ATE1: variants seen among roughly 807,000 people sequenced by gnomAD.
The protein encoded by ATE1 is arginyl-tRNA--protein transferase 1.
ATE1 carries 36 observed loss-of-function variants against 70.5 expected under a neutral mutation model. The ratio of observed to expected loss-of-function variants is 0.51; its 90% CI spans 0.39 to 0.67. ATE1 has a LOEUF of 0.67. Among genes scored for constraint, ATE1 ranks in the 30% least tolerant of loss-of-function variants. The probability of loss-of-function intolerance (pLI) is 0.00; values close to 1 mark genes in which losing one functional copy is unlikely to be tolerated. For missense variants in ATE1, 593 were observed against 629.5 expected (o/e 0.94, Z 0.62); for synonymous variants, 232 against 219.3 (o/e 1.06, Z -0.51).
At chr10:121,861,064 T>C (rs17102689) in intron 8 of ATE1, among the ~76,000 whole-genome samples, 11,215 of 152,216 alleles carry the variant, frequency 0.074, 744 homozygotes, top group East Asian at 0.33. Context: ...TATTCAAACA[T>C]TTTCTGAAGC....
chr10:121,868,522 T>C (rs563586496), intron 8 of ATE1, among the ~76,000 whole-genome samples: 35 of 152,326 alleles, frequency 2.3e-4, no homozygotes, highest in African/African-American at 8.2e-4. Context: ...TTTTTTATGG[T>C]TTGGTTTTCA....
intron 7 of ATE1, among the ~76,000 whole-genome samples, chr10:121,874,484 A>G (rs150782320): frequency 6.6e-6 from 1 of 152,364 alleles, no homozygotes; most frequent in Non-Finnish European, 1.5e-5. Context: ...CATCAAAAGA[A>G]TGAGAATTAA....
intron 10 of ATE1, among the ~76,000 whole-genome samples, chr10:121,816,060 G>A (rs779280412): frequency 1.4e-4 from 22 of 152,068 alleles, no homozygotes; most frequent in Non-Finnish European, 2.6e-4. Context: ...CAGAATGGGC[G>A]CCTATTCATT....
chr10:121,778,845 C>T (rs1265290050), intron 11 of ATE1, among the ~76,000 whole-genome samples: 2 of 152,012 alleles, frequency 1.3e-5, no homozygotes, highest in African/African-American at 2.4e-5. Flanking sequence ...TCAAGTGATC[C>T]GCCTGCCTCT....
At chr10:121,815,315 T>G (rs1947496559) in intron 10 of ATE1, among the ~76,000 whole-genome samples, 1 of 152,150 alleles carries the variant, frequency 6.6e-6, no homozygotes, top group African/African-American at 2.4e-5. Flanking sequence ...TTTTTGTATT[T>G]TTAGTAGAGA....
intron 5 of ATE1, among the ~76,000 whole-genome samples, chr10:121,902,915 G>A (rs1267327226): frequency 6.6e-6 from 1 of 151,998 alleles, no homozygotes. Context: ...ACCCAGGCTG[G>A]AGTGCAATGG....
intron 11 of ATE1, among the ~76,000 whole-genome samples, chr10:121,765,543 T>TA (rs1488063438): frequency 6.6e-6 from 1 of 152,156 alleles, no homozygotes; most frequent in Non-Finnish European, 1.5e-5. Context: ...TACAAAGCCT[T>TA]AAAAAATATC....
intron 7 of ATE1, among the ~76,000 whole-genome samples, chr10:121,891,452 C>T (rs1395823260): frequency 6.6e-6 from 1 of 152,110 alleles, no homozygotes; most frequent in East Asian, 1.9e-4. Flanking sequence ...GGTACAGCTG[C>T]CTGCATTTAC....
intron 7 of ATE1, among the ~76,000 whole-genome samples, chr10:121,891,948 T>C (rs11200225): frequency 0.13 from 20,083 of 152,252 alleles, 1,526 homozygotes; most frequent in East Asian, 0.19. Flanking sequence ...ATGCAAACTT[T>C]TCAAAGAACT....
At chr10:121,860,363 A>C (rs994192535) in intron 8 of ATE1, among the ~76,000 whole-genome samples, 1 of 152,226 alleles carries the variant, frequency 6.6e-6, no homozygotes, top group Non-Finnish European at 1.5e-5. Context: ...CCATGCCAAC[A>C]CACAATCACA....
intron 1 of ATE1, among the ~76,000 whole-genome samples, chr10:121,924,869 ATATT>A (rs1952026500): frequency 6.6e-6 from 1 of 152,048 alleles, no homozygotes; most frequent in South Asian, 2.1e-4. Flanking sequence ...GAAGTTAATT[ATATT>A]TATTTGAGGA....
Position 121,841,066 on chromosome 10 carries a change from C to CA in ATE1, c.1157+15dup, listed in dbSNP as rs1413537225. ...TCTATATAACCCACTACAATAACGG[C>CA]AAAAAGCAATCTTACCGTAGTGCAG... is the stretch of plus-strand genomic sequence containing the variant. On this transcript the variant is annotated intron_variant, in intron 9 of 11. Transcript: ENST00000224652. 1 of 1,511,182 alleles carries CA rather than the reference C, an allele frequency of 6.6e-7. No homozygotes were observed. The highest frequency in any genetic ancestry group is 1.4e-5 in the South Asian group (1 of 73,030). 93.6% of individuals were successfully genotyped at this position (1,511,182 alleles called of 1,614,324 possible). A position where few individuals can be genotyped will look rare whatever the true frequency, so the allele number is the denominator to read the frequency against.
In ATE1 at chr10:121,807,807, A is replaced by G. The variant is rs560601828; in HGVS notation, c.1258-17518T>C. 1.4e-4 allele frequency among the ~76,000 whole-genome samples: 21 copies of G among 152,330 alleles called. 1 individual carries two copies. The highest frequency in any genetic ancestry group is 5.1e-4 in the African/African-American group (21 of 41,568). ...CTAAAAATGGGTTTTACATTTTTCAATGGTTGAAAACATATCAAAAGAACA... is the reference window on the plus strand; with the variant it reads ...CTAAAAATGGGTTTTACATTTTTCAGTGGTTGAAAACATATCAAAAGAACA... On this transcript the variant is annotated intron_variant, in intron 10 of 11. Transcript: ENST00000224652.
intron 3 of ATE1, among the ~76,000 whole-genome samples, chr10:121,918,949 G>A (rs1951769279): frequency 6.6e-6 from 1 of 152,118 alleles, no homozygotes; most frequent in Non-Finnish European, 1.5e-5. Flanking sequence ...ACCAATCAGT[G>A]CTCTGTGGCT....
At chr10:121,900,930 C>A (rs937264790) in intron 6 of ATE1, among the ~76,000 whole-genome samples, 2 of 151,896 alleles carry the variant, frequency 1.3e-5, no homozygotes, top group African/African-American at 4.8e-5. Context: ...TTTGGAAGGA[C>A]AAAAAAATCT....
At chr10:121,778,180 T>C (rs1456487720) in intron 11 of ATE1, among the ~76,000 whole-genome samples, 1 of 152,162 alleles carries the variant, frequency 6.6e-6, no homozygotes, top group Non-Finnish European at 1.5e-5. Context: ...ACCCACAAAT[T>C]GGGAAACCTA....
chr10:121,926,831 G>A (rs1374691147), intron 1 of ATE1: 2 of 985,242 alleles, frequency 2.0e-6, no homozygotes, highest in African/African-American at 1.7e-5. Flanking sequence ...CTCCGTTTAA[G>A]TCCAAACTGG....
chr10:121,869,941 T>A (rs1949792913), intron 8 of ATE1, 65 bp downstream of exon 8: 4 of 1,428,140 alleles, frequency 2.8e-6, no homozygotes, highest in Admixed American at 3.4e-5. Flanking sequence ...AAATGCCTAA[T>A]GAAAGATATC....
intron 7 of ATE1, among the ~76,000 whole-genome samples, chr10:121,885,784 T>C (rs2134152981): frequency 6.6e-6 from 1 of 151,424 alleles, no homozygotes; most frequent in Non-Finnish European, 1.5e-5. Context: ...CCTGTAGTCC[T>C]AGCTACTTGG....
Sources: gnomAD v4.1 joint callset for allele counts (sites outside exome capture counted in the v4.1 genomes callset) on GRCh38, gnomAD v4.1.1 for gene constraint, MANE v1.5 for transcripts, NCBI Gene and HGNC (gene_info 2026-07-23, HGNC 2026-07-21) for gene names.